Variants in ATP8A2 observed in about 807,000 individuals in gnomAD.
The protein encoded by ATP8A2 is ATPase phospholipid transporting 8A2.
Under a neutral mutation model 165.6 loss-of-function variants are expected in ATP8A2, and 100 were observed. The ratio of observed to expected loss-of-function variants is 0.60; its 90% confidence interval spans 0.51 to 0.71. The LOEUF (loss-of-function observed/expected upper bound fraction) is 0.71. Among genes scored for constraint, ATP8A2 ranks in the 30% least tolerant of loss-of-function variants. The pLI, the probability that ATP8A2 is intolerant of heterozygous loss-of-function variation, is 0.00. For synonymous variants in ATP8A2, 543 were observed against 548.8 expected (o/e 0.99, Z 0.15); for missense variants, 1,227 against 1,479.5 (o/e 0.83, Z 2.80).
At chr13:25,615,533 C>T (rs771139461) in intron 24 of ATP8A2, among the ~76,000 whole-genome samples, 1 of 152,146 alleles carries the variant, frequency 6.6e-6, no homozygotes, top group Non-Finnish European at 1.5e-5. Context: ...CTCCTGTCTG[C>T]ACTCCTGATT....
intron 34 of ATP8A2, among the ~76,000 whole-genome samples, chr13:25,966,681 G>A (rs561582373): frequency 6.6e-4 from 100 of 152,312 alleles, no homozygotes; most frequent in African/African-American, 2.3e-3. Context: ...TCCCCTGAGA[G>A]CACGCACAAT....
At chr13:25,882,489 G>T (rs1047935855) in intron 33 of ATP8A2, among the ~76,000 whole-genome samples, 1 of 152,120 alleles carries the variant, frequency 6.6e-6, no homozygotes. Flanking sequence ...GACTAAGTTC[G>T]TGAGAAACAG....
chr13:25,501,078 T>G (rs1174849194), intron 2 of ATP8A2, among the ~76,000 whole-genome samples: 3 of 152,194 alleles, frequency 2.0e-5, no homozygotes, highest in Non-Finnish European at 4.4e-5. Context: ...GATACTATTT[T>G]AGAAGTATGG....
At chr13:25,971,738 G>A (rs1955918314) in intron 35 of ATP8A2, among the ~76,000 whole-genome samples, 1 of 152,088 alleles carries the variant, frequency 6.6e-6, no homozygotes, top group Non-Finnish European at 1.5e-5. Context: ...GGGCCTCCAG[G>A]GAGGGGGCAG....
At chr13:25,480,832 C>G (rs1220293975) in intron 2 of ATP8A2, among the ~76,000 whole-genome samples, 1 of 150,134 alleles carries the variant, frequency 6.7e-6, no homozygotes, top group African/African-American at 2.5e-5. Flanking sequence ...TGTAGCGAGC[C>G]GAGATCACGC....
chr13:25,701,605 C>T (rs1273280186), intron 25 of ATP8A2, among the ~76,000 whole-genome samples: 1 of 151,986 alleles, frequency 6.6e-6, no homozygotes. Context: ...ACCCTAAAAC[C>T]TTATAAGTTT....
At chr13:25,951,242 C>T (rs570123745) in intron 33 of ATP8A2, among the ~76,000 whole-genome samples, 31 of 152,338 alleles carry the variant, frequency 2.0e-4, no homozygotes, top group African/African-American at 6.3e-4. Flanking sequence ...ACCCAAACAT[C>T]CATCAACAAG....
intron 33 of ATP8A2, among the ~76,000 whole-genome samples, chr13:25,952,437 G>T (rs1479193797): frequency 2.0e-5 from 3 of 151,336 alleles, no homozygotes; most frequent in Admixed American, 6.6e-5. Flanking sequence ...CTGGAGTGCA[G>T]TGGCACAATC....
rs187637750 is a variant in ATP8A2, at chr13:25,506,583, C to T, written c.222-23416C>T. Among the ~76,000 whole-genome samples, 120 of 152,250 alleles carry T rather than the reference C, an allele frequency of 7.9e-4. 1 individual carries two copies. Among genetic ancestry groups the T allele is most frequent in the African/African-American group, 2.6e-3 (109 of 41,528 alleles). On this transcript the variant is annotated intron_variant, in intron 2 of 36. Transcript: ENST00000381655. ...TGAGATAGAGTTCTGGCCAATGAGA[C>T]GGGAGCTGAGGGCATCTGAGGAAGC...
rs1334680957 is a variant in ATP8A2 at position 26,025,716 on chromosome 13, G to A, written c.*5731G>A. 1 of 152,214 alleles carries A rather than the reference G, an allele frequency of 6.6e-6. No homozygotes were observed. Among genetic ancestry groups the A allele is most frequent in the Non-Finnish European group, 1.5e-5 (1 of 68,042 alleles). The allele number at this position is 152,214 out of a possible 1,614,324, so 9.4% of individuals were successfully genotyped here. ...ACAGTGCACTGGGTTCCCTCCTGGA[G>A]TGAATACAAACGGAGGGCATCTACT... On this transcript the variant is annotated 3_prime_UTR_variant, in exon 37 of 37. Coordinates refer to ENST00000381655, the MANE Select transcript of ATP8A2 (RefSeq NM_016529.6).
At chr13:25,449,488 G>A (rs117611550) in intron 1 of ATP8A2, among the ~76,000 whole-genome samples, 19 of 152,312 alleles carry the variant, frequency 1.2e-4, no homozygotes, top group Non-Finnish European at 2.2e-4. Flanking sequence ...GTATGCTATA[G>A]ATTGTGGTGT....
rs991114968 is a variant in ATP8A2 at position 25,750,648 on chromosome 13, T to C, written c.2385-18398T>C. On this transcript the variant is annotated intron_variant, in intron 25 of 36. Coordinates refer to ENST00000381655, the MANE Select transcript of ATP8A2 (RefSeq NM_016529.6). The surrounding 1 kb of genome is among the most constrained non-coding windows in gnomAD (Gnocchi z 4.3). The stretch of plus-strand genomic sequence containing the variant: ...GTGTGTTCCAGTAATAGGGAGGAAG[T>C]GTGGGGAGCCTGGGGGCCCTGTCGG... Among the ~76,000 whole-genome samples, 2 of 152,126 alleles carry C rather than the reference T, an allele frequency of 1.3e-5. No homozygotes were observed. The highest frequency in any genetic ancestry group is 1.5e-5 in the Non-Finnish European group (1 of 68,026).
At chr13:25,689,246 A>G (rs1302033426) in intron 24 of ATP8A2, among the ~76,000 whole-genome samples, 2 of 152,238 alleles carry the variant, frequency 1.3e-5, no homozygotes, top group Non-Finnish European at 2.9e-5. Context: ...TAAAGCAGAT[A>G]AGTAGTTCAA....
chr13:25,504,512 G>A (rs1295258069), intron 2 of ATP8A2, among the ~76,000 whole-genome samples: 3 of 146,316 alleles, frequency 2.1e-5, no homozygotes, highest in Non-Finnish European at 4.5e-5. Context: ...AGGCCGAGGC[G>A]GGTGGATCAT....
At chr13:25,435,936 T>A (rs7999526) in intron 1 of ATP8A2, among the ~76,000 whole-genome samples, 38,191 of 114,400 alleles carry the variant, frequency 0.33, 5,194 homozygotes, top group East Asian at 0.62. Context: ...TGTGTGAGTG[T>A]GTGTGTGTGT....
intron 33 of ATP8A2, among the ~76,000 whole-genome samples, chr13:25,932,388 CT>C (rs2139074825): frequency 6.6e-6 from 1 of 152,318 alleles, no homozygotes; most frequent in East Asian, 1.9e-4. Context: ...CTTTTCATCA[CT>C]TGAGTAACCA....
At chr13:25,988,737 A>G (rs1449444110) in intron 35 of ATP8A2, among the ~76,000 whole-genome samples, 1 of 152,232 alleles carries the variant, frequency 6.6e-6, no homozygotes, top group Non-Finnish European at 1.5e-5. Flanking sequence ...ATAAAGAGCT[A>G]TAGTTAAAAA....
rs2042893517 is a variant in ATP8A2 at position 25,699,020 on chromosome 13, A to T, written c.2212-153A>T. ...ACAGACCCAGAGGGCATTGCATTGA[A>T]ATTTTAATGTATAAATGTGCAAAGC... is the stretch of plus-strand genomic sequence containing the variant. On this transcript the variant is annotated intron_variant, in intron 24 of 36. Transcript: ENST00000381655. 8.9e-6 allele frequency: 5 copies of T among 561,482 alleles called. No individual in the cohort carries two copies. In the South Asian group the frequency reaches 2.1e-4, roughly 24 times the overall value. The allele number at this position is 561,482 out of a possible 1,614,324, so 34.8% of individuals were successfully genotyped here.
intron 24 of ATP8A2, among the ~76,000 whole-genome samples, chr13:25,630,553 G>A: frequency 6.6e-6 from 1 of 152,120 alleles, no homozygotes; most frequent in East Asian, 1.9e-4. Context: ...ACAATATTAA[G>A]TGGCGGAACT....
Sources: allele counts gnomAD v4.1 joint callset (sites outside exome capture counted in the v4.1 genomes callset), GRCh38; gene constraint gnomAD v4.1.1; non-coding constraint Gnocchi (gnomAD v3.1); transcripts MANE v1.5; gene names NCBI Gene and HGNC (gene_info 2026-07-23, HGNC 2026-07-21).